MTF2: variants seen among roughly 807,000 people sequenced by gnomAD.
The protein encoded by MTF2 is metal response element binding transcription factor 2, also known as metal-response element-binding transcription factor 2.
In MTF2, 11 loss-of-function variants were observed where a neutral mutation model predicts 79.5. That is an observed-to-expected ratio of 0.14 (90% CI 0.09 to 0.23). The LOEUF (loss-of-function observed/expected upper bound fraction) is 0.23. MTF2 is among the 10% of genes least tolerant of loss of function. The pLI, the probability that MTF2 is intolerant of heterozygous loss-of-function variation, is 1.00. For missense variants in MTF2, 486 were observed against 711.2 expected (o/e 0.68, Z 3.60); for synonymous variants, 208 against 232.8 (o/e 0.89, Z 0.97).
chr1:93,133,966 A>G lies in MTF2; in HGVS notation c.1305A>G (p.Leu435=), dbSNP rs1647262505. ...TTTCAGAGAATCCTACTTTGGATTT[A>G]CCTTGTTCTATAGGGTAAATAGAAA... ...ESISENPTLD[L]PCSIGRTEGT... Residue 435 remains leucine (L), a synonymous_variant, in exon 13 of 15, where the codon TTA becomes TTG. Coordinates refer to ENST00000370298, the MANE Select transcript of MTF2 (RefSeq NM_007358.4). 6.3e-7 allele frequency: 1 copy of G among 1,579,888 alleles called. No homozygotes were observed. Among genetic ancestry groups the G allele is most frequent in the Admixed American group, 1.7e-5 (1 of 58,804 alleles).
In MTF2 at chr1:93,119,313, C is replaced by CTTTTTTTTTTTTTTTTTTTTTTTT; in HGVS notation, c.729-6_729-5insTTTTTTTTTTTTTTTTTTTTTTTT. ...CTGATGACTCAGTATAAAACTTTTT[C>CTTTTTTTTTTTTTTTTTTTTTTTT]TTTTTTTTTTTTTTCTTAGATTTTA... On this transcript the variant is annotated intron_variant, in intron 7 of 14. Coordinates refer to ENST00000370298, the MANE Select transcript of MTF2 (RefSeq NM_007358.4). The CTTTTTTTTTTTTTTTTTTTTTTTT allele has an allele frequency of 7.7e-7, 1 of 1,295,020 alleles. No individual in the cohort carries two copies. Among genetic ancestry groups the CTTTTTTTTTTTTTTTTTTTTTTTT allele is most frequent in the African/African-American group, 1.6e-5 (1 of 62,734 alleles). The allele number at this position is 1,295,020 out of a possible 1,614,324, so 80.2% of individuals were successfully genotyped here. A position where few individuals can be genotyped will look rare whatever the true frequency, so the allele number is the denominator to read the frequency against.
intron 9 of MTF2, among the ~76,000 whole-genome samples, chr1:93,124,996 C>G (rs990671365): frequency 2.6e-5 from 4 of 151,822 alleles, no homozygotes; most frequent in African/African-American, 9.7e-5. Flanking sequence ...TTTATGGTAG[C>G]TAAAATATGC....
At chr1:93,121,377 C>T (rs142238246) in intron 9 of MTF2, 12 of 789,184 alleles carry the variant, frequency 1.5e-5, no homozygotes, top group African/African-American at 1.9e-5. Flanking sequence ...TACTAAAGTA[C>T]ATATATTAAC....
chr1:93,122,877 T>C (rs2101078108), intron 9 of MTF2, among the ~76,000 whole-genome samples: 1 of 152,244 alleles, frequency 6.6e-6, no homozygotes, highest in Non-Finnish European at 1.5e-5. Context: ...ATAAAATTTA[T>C]GCTAGTTTAT....
At chr1:93,092,964 C>T (rs1370618537) in intron 1 of MTF2, among the ~76,000 whole-genome samples, 2 of 152,102 alleles carry the variant, frequency 1.3e-5, no homozygotes, top group African/African-American at 4.8e-5. Context: ...GGGCAAATCA[C>T]GAGGTTAGGA....
At chr1:93,108,504 C>T (rs1341207960) in intron 1 of MTF2, among the ~76,000 whole-genome samples, 1 of 152,150 alleles carries the variant, frequency 6.6e-6, no homozygotes, top group Admixed American at 6.5e-5. Flanking sequence ...TATGTCATCT[C>T]ACTGCCTTCT....
Position 93,079,339 on chromosome 1 carries a change from C to G in MTF2, c.-188C>G. 1 of 656,872 alleles carries G rather than the reference C, an allele frequency of 1.5e-6. No homozygotes were observed. Among genetic ancestry groups the G allele is most frequent in the Middle Eastern group, 4.1e-4 (1 of 2,458 alleles). 40.7% of individuals were successfully genotyped at this position (656,872 alleles called of 1,614,324 possible). ...GTATTGAAGTGGGCTGTGTTTGAGG[C>G]CGGTGTAAGAACGCTCATTCTACCC... On this transcript the variant is annotated 5_prime_UTR_variant, in exon 1 of 15. Coordinates refer to ENST00000370298, the MANE Select transcript of MTF2 (RefSeq NM_007358.4).
intron 1 of MTF2, among the ~76,000 whole-genome samples, chr1:93,108,282 G>A (rs1215067559): frequency 6.6e-6 from 1 of 152,014 alleles, no homozygotes; most frequent in Non-Finnish European, 1.5e-5. Context: ...GTGTGTGTGT[G>A]TGTATGTGTA....
intron 14 of MTF2, among the ~76,000 whole-genome samples, chr1:93,135,060 C>T (rs550080382): frequency 1.3e-5 from 2 of 152,256 alleles, no homozygotes; most frequent in East Asian, 3.9e-4. Context: ...ACCTCCGCCT[C>T]CTGGATTCAA....
At chr1:93,087,634 A>G (rs892613766) in intron 1 of MTF2, among the ~76,000 whole-genome samples, 2 of 151,792 alleles carry the variant, frequency 1.3e-5, no homozygotes, top group East Asian at 3.9e-4. Flanking sequence ...TACTGTCGAT[A>G]CTGGCAGTGA....
At chr1:93,096,096 TTTC>T (rs1655277377) in intron 1 of MTF2, among the ~76,000 whole-genome samples, 1 of 152,210 alleles carries the variant, frequency 6.6e-6, no homozygotes, top group African/African-American at 2.4e-5. Context: ...TATGTTTAAT[TTTC>T]TTCCTTATTT....
chr1:93,097,691 G>A (rs1456124186), intron 1 of MTF2, among the ~76,000 whole-genome samples: 1 of 152,040 alleles, frequency 6.6e-6, no homozygotes, highest in Non-Finnish European at 1.5e-5. Context: ...TCCACCTCCC[G>A]GGTTCGAGCA....
intron 1 of MTF2, among the ~76,000 whole-genome samples, chr1:93,101,389 T>C (rs1655524002): frequency 7.5e-6 from 1 of 134,194 alleles, no homozygotes; most frequent in South Asian, 2.4e-4. Flanking sequence ...TTTTTTTTTT[T>C]TTTAAAAGGA....
At chr1:93,097,526 C>G (rs1655339132) in intron 1 of MTF2, among the ~76,000 whole-genome samples, 1 of 152,102 alleles carries the variant, frequency 6.6e-6, no homozygotes, top group African/African-American at 2.4e-5. Context: ...AGTATGAAAA[C>G]TAGGTTACTT....
intron 1 of MTF2, among the ~76,000 whole-genome samples, chr1:93,091,890 T>C (rs1252521902): frequency 6.6e-6 from 1 of 152,220 alleles, no homozygotes; most frequent in Non-Finnish European, 1.5e-5. Context: ...TGTTGTCTCA[T>C]GTCAGAGAAA....
intron 1 of MTF2, among the ~76,000 whole-genome samples, chr1:93,097,646 G>A (rs1442644977): frequency 1.3e-5 from 2 of 152,050 alleles, no homozygotes; most frequent in Admixed American, 1.3e-4. Flanking sequence ...CGCCCAGGCA[G>A]GAGTGTAGCG....
At chr1:93,084,188 A>C (rs1217125900) in intron 1 of MTF2, among the ~76,000 whole-genome samples, 13 of 152,092 alleles carry the variant, frequency 8.5e-5, no homozygotes, top group Admixed American at 7.9e-4. Flanking sequence ...TAGGGGTCCA[A>C]CTTCAGTGTT....
chr1:93,104,097 C>T (rs945361465), intron 1 of MTF2, among the ~76,000 whole-genome samples: 1 of 150,176 alleles, frequency 6.7e-6, no homozygotes, highest in Non-Finnish European at 1.5e-5. Context: ...TGCCACTACA[C>T]CCAGCTTTTT....
intron 1 of MTF2, among the ~76,000 whole-genome samples, chr1:93,095,879 C>G (rs1187933329): frequency 6.6e-6 from 1 of 151,904 alleles, no homozygotes; most frequent in Non-Finnish European, 1.5e-5. Flanking sequence ...TGGTCTCAAA[C>G]TCCTGACCTT....
Sources: allele counts gnomAD v4.1 joint callset (sites outside exome capture counted in the v4.1 genomes callset), GRCh38; gene constraint gnomAD v4.1.1; transcripts MANE v1.5; gene names NCBI Gene and HGNC (gene_info 2026-07-23, HGNC 2026-07-21).